Variants in MYO18B observed in about 807,000 individuals in gnomAD.
The protein encoded by MYO18B is unconventional myosin-XVIIIb.
MYO18B carries 204 observed loss-of-function variants against 273.0 expected under a neutral mutation model. That is an observed-to-expected ratio of 0.75 (90% CI 0.67 to 0.84). MYO18B has a LOEUF of 0.84. Among genes scored for constraint, MYO18B ranks in the 40% least tolerant of loss-of-function variants. MYO18B has a pLI of 0.00. For synonymous variants in MYO18B, 1,330 were observed against 1,305.7 expected (o/e 1.02, Z -0.40); for missense variants, 3,212 against 3,287.6 (o/e 0.98, Z 0.56).
At chr22:25,969,934 CATCATCATCATCATT>C (rs1228882622) in intron 39 of MYO18B, among the ~76,000 whole-genome samples, 3 of 152,054 alleles carry the variant, frequency 2.0e-5, no homozygotes, top group Non-Finnish European at 2.9e-5. Context: ...TCATAATAAC[CATCATCATCATCATT>C]ATCATCATCA....
the MYO18B span, among the ~76,000 whole-genome samples, chr22:26,037,180 T>G: frequency 1.3e-5 from 2 of 152,302 alleles, no homozygotes; most frequent in Admixed American, 1.3e-4. Flanking sequence ...CGGGGACCAG[T>G]GTCTAGGACT....
intron 39 of MYO18B, among the ~76,000 whole-genome samples, chr22:25,980,468 C>A (rs1293908552): frequency 6.6e-6 from 1 of 152,114 alleles, no homozygotes; most frequent in African/African-American, 2.4e-5. Flanking sequence ...GGGTGGTGTA[C>A]AGTTCCATAG....
intron 42 of MYO18B, among the ~76,000 whole-genome samples, chr22:26,022,187 A>T (rs970804931): frequency 4.7e-5 from 7 of 150,332 alleles, no homozygotes; most frequent in Non-Finnish European, 1.0e-4. Flanking sequence ...GCACGGTAAC[A>T]TGTTGATTAT....
At chr22:25,753,216 T>TC (rs2146546853) in intron 1 of MYO18B, among the ~76,000 whole-genome samples, 1 of 133,706 alleles carries the variant, frequency 7.5e-6, no homozygotes, top group South Asian at 2.7e-4. Context: ...CCAGCTGGCC[T>TC]CCCGGTCGGC....
At chr22:25,912,904 G>A (rs2092185402) in intron 33 of MYO18B, among the ~76,000 whole-genome samples, 1 of 152,104 alleles carries the variant, frequency 6.6e-6, no homozygotes, top group South Asian at 2.1e-4. Context: ...CCCCCTCTAT[G>A]TTATGTTTTT....
intron 40 of MYO18B, among the ~76,000 whole-genome samples, chr22:26,001,024 A>G (rs1933903458): frequency 6.6e-6 from 1 of 152,152 alleles, no homozygotes; most frequent in South Asian, 2.1e-4. Flanking sequence ...AGGAGCTAGT[A>G]AGGATTGCCG....
chr22:25,898,245 A>G, intron 28 of MYO18B, 62 bp from the exon 29 acceptor site: 1 of 1,548,170 alleles, frequency 6.5e-7, no homozygotes, highest in African/African-American at 1.4e-5. Flanking sequence ...TCCTTGAAAT[A>G]CAAAGTAAAA....
intron 3 of MYO18B, among the ~76,000 whole-genome samples, chr22:25,767,384 A>T (rs1339786749): frequency 6.6e-6 from 1 of 152,190 alleles, no homozygotes; most frequent in Non-Finnish European, 1.5e-5. Flanking sequence ...GGGAAGTGTG[A>T]TATGGGGATC....
rs546973678 is a variant in MYO18B, at chr22:25,940,837, C to T, written c.5518-5300C>T. The stretch of plus-strand genomic sequence containing the variant: ...ATGCATAAGATCTGAAGCATGTTTC[C>T]CTCTGTAACTACAGTATGGGGAGGA... On this transcript the variant is annotated intron_variant, in intron 34 of 43. Coordinates refer to ENST00000335473, the MANE Select transcript of MYO18B (RefSeq NM_032608.7). Among the ~76,000 whole-genome samples, 3 of 152,304 alleles carry T rather than the reference C, an allele frequency of 2.0e-5. No homozygotes were observed. The South Asian group carries it at 6.2e-4, about 32-fold the overall frequency.
intron 39 of MYO18B, among the ~76,000 whole-genome samples, chr22:25,984,427 C>T (rs1337439745): frequency 2.6e-5 from 4 of 152,118 alleles, no homozygotes; most frequent in Non-Finnish European, 4.4e-5. Flanking sequence ...ACCTGCGAAC[C>T]AACTAACTAA....
intron 39 of MYO18B, among the ~76,000 whole-genome samples, chr22:25,978,207 GC>G (rs2093113923): frequency 6.6e-6 from 1 of 152,190 alleles, no homozygotes. Context: ...AATGCTGGGA[GC>G]ATAGAAGGGA....
Position 25,750,392 on chromosome 22 carries a change from G to A in MYO18B, c.-110+8099G>A, listed in dbSNP as rs138525585. ...GAAGAGTCCACAGGGTCAGCAGCCA[G>A]ACATAGAGCAAAGTAGAAGAGATGG... On this transcript the variant is annotated intron_variant, in intron 1 of 43. Coordinates refer to ENST00000335473, the MANE Select transcript of MYO18B (RefSeq NM_032608.7). Among the ~76,000 whole-genome samples the A allele has an allele frequency of 2.8e-3, 428 of 152,312 alleles. 3 individuals are homozygous for A. The highest frequency in any genetic ancestry group is 0.01 in the African/African-American group (419 of 41,576).
Position 25,785,472 on chromosome 22 carries a change from G to T in MYO18B, c.2357G>T (p.Gly786Val), listed in dbSNP as rs2087343244. 1.9e-6 allele frequency: 3 copies of T among 1,612,252 alleles called. No individual in the cohort carries two copies. The African/African-American group carries it at 4.0e-5, about 21-fold the overall frequency. The change falls in exon 11 of 44, where the codon GGC becomes GTC. Residue 786 changes from glycine to valine, a missense_variant. Transcript: ENST00000335473. ...CAGATGGCAGATAGCAGCTCCTTTG[G>T]CATGGGCGTGTGGTCCAAGGTAAGG... ...LHQMADSSSF[G>V]MGVWSKPEDK...
intron 39 of MYO18B, among the ~76,000 whole-genome samples, chr22:25,982,913 A>G (rs2093164172): frequency 6.6e-6 from 1 of 152,224 alleles, no homozygotes; most frequent in Non-Finnish European, 1.5e-5. Context: ...AACCACCCAG[A>G]TAAGCCACTC....
At position 25,898,406 on chromosome 22, in the gene MYO18B, G is replaced by T; in HGVS notation, c.4768G>T (p.Val1590Phe). 6.2e-7 allele frequency: 1 copy of T among 1,613,916 alleles called. No homozygotes were observed. Among genetic ancestry groups the T allele is most frequent in the East Asian group, 2.2e-5 (1 of 44,878 alleles). ...HLTCDLEDTC[V>F]LLENQQSRNH... Reference sequence around the variant, plus strand: ...TACCTGTGACCTTGAGGATACCTGCGTCCTGCTAGAGAACCAACAAAGTCG... The same window carrying T: ...TACCTGTGACCTTGAGGATACCTGCTTCCTGCTAGAGAACCAACAAAGTCG... The change falls in exon 29 of 44, where the codon GTC (valine) becomes TTC (phenylalanine). Residue 1590 changes from valine (V) to phenylalanine (F), a missense_variant. Physicochemically the swap from Val to Phe is conservative, Grantham distance 50. Transcript: ENST00000335473.
chr22:25,772,310 A>G (rs1256872555), intron 6 of MYO18B, 24 bp from the exon 7 acceptor site: 102 of 1,605,562 alleles, frequency 6.4e-5, no homozygotes, highest in Non-Finnish European at 8.6e-5. Flanking sequence ...AGGCCAGAGG[A>G]GACTCTGTGT....
chr22:25,834,661 A>G (rs1391748352), intron 16 of MYO18B, among the ~76,000 whole-genome samples: 1 of 152,092 alleles, frequency 6.6e-6, no homozygotes, highest in Non-Finnish European at 1.5e-5. Flanking sequence ...GCCCTCAGAG[A>G]GGCCCTTTAA....
At chr22:25,861,011 C>T (rs2090717590) in intron 21 of MYO18B, among the ~76,000 whole-genome samples, 1 of 152,114 alleles carries the variant, frequency 6.6e-6, no homozygotes, top group African/African-American at 2.4e-5. Context: ...ATTTCAGCCC[C>T]CTGCGTTGCT....
intron 25 of MYO18B, among the ~76,000 whole-genome samples, chr22:25,886,183 T>C (rs779712102): frequency 5.3e-5 from 8 of 152,202 alleles, no homozygotes; most frequent in Non-Finnish European, 1.2e-4. Context: ...CCTGTGCATG[T>C]GGTAAGCACT....
Sources: allele counts gnomAD v4.1 joint callset (sites outside exome capture counted in the v4.1 genomes callset), GRCh38; gene constraint gnomAD v4.1.1; transcripts MANE v1.5; gene names NCBI Gene and HGNC (gene_info 2026-07-23, HGNC 2026-07-21).